The following SPATS2L variants were observed in gnomAD, a reference collection of about 807,000 sequenced individuals.
SPATS2L encodes spermatogenesis associated serine rich 2 like.
In SPATS2L, 30 loss-of-function variants were observed where a neutral mutation model predicts 59.6. The ratio of observed to expected loss-of-function variants is 0.50; its 90% CI spans 0.38 to 0.68. The LOEUF (loss-of-function observed/expected upper bound fraction) is 0.68, where lower values mean the gene tolerates loss of function less well. SPATS2L is among the 30% of genes least tolerant of loss of function. SPATS2L has a pLI of 0.00. For synonymous variants in SPATS2L, 252 were observed against 263.5 expected, an observed-to-expected ratio of 0.96 and a Z score of 0.42; for missense variants, 615 against 700.0, an observed-to-expected ratio of 0.88 and a Z score of 1.37.
rs989408094 is a variant in SPATS2L, at chr2:200,393,394, T to A, written c.39+4111T>A. ...ACAGAGGTTCAGTGTAAATGCTCCA[T>A]GCATAGGCTTAAGAGCCACAGTCAT... On this transcript the variant is annotated intron_variant, in intron 3 of 12. Coordinates refer to ENST00000409140, the MANE Select transcript of SPATS2L (RefSeq NM_001100423.2). The A allele has an allele frequency of 1.3e-5, 6 of 451,768 alleles. No homozygotes were observed. The Admixed American group carries it at 1.4e-4, about 11-fold the overall frequency. The allele number at this position is 451,768 out of a possible 1,614,324, so 28.0% of individuals were successfully genotyped here.
At chr2:200,306,472 G>A, upstream of SPATS2L, 2 of 1,002,396 alleles carry the variant, frequency 2.0e-6, no homozygotes, top group Middle Eastern at 5.6e-4. Context: ...AAGGAGCTAG[G>A]GAGGGCGTGT....
intron 5 of SPATS2L, 48 bp from the exon 6 acceptor site, chr2:200,419,202 T>G: frequency 6.7e-7 from 1 of 1,498,330 alleles, no homozygotes; most frequent in African/African-American, 1.4e-5. Context: ...ACCTTATATT[T>G]CAAGAGTCTG....
chr2:200,334,337 C>G (rs910742192), intron 2 of SPATS2L, among the ~76,000 whole-genome samples: 2 of 152,144 alleles, frequency 1.3e-5, no homozygotes, highest in Non-Finnish European at 1.5e-5. Flanking sequence ...ATATCCTTCA[C>G]CCACTTTTTG....
chr2:200,474,106 T>G (rs1024422465), intron 12 of SPATS2L, among the ~76,000 whole-genome samples: 4 of 151,814 alleles, frequency 2.6e-5, no homozygotes, highest in African/African-American at 9.7e-5. Flanking sequence ...GTCTTTTCTT[T>G]TTTTTTTTTG....
Position 200,349,042 on chromosome 2 carries a change from G to A in SPATS2L, c.-23+19562G>A, listed in dbSNP as rs1003264638. 7.9e-5 allele frequency among the ~76,000 whole-genome samples: 12 copies of A among 152,076 alleles called. No homozygotes were observed. The East Asian group carries it at 1.5e-3, about 20-fold the overall frequency. On this transcript the variant is annotated intron_variant, in intron 2 of 12. Coordinates refer to ENST00000409140, the MANE Select transcript of SPATS2L (RefSeq NM_001100423.2). ...TCTTAGGATCTTGTCCTGTACTTTC[G>A]GTGCAAATTTGTTTAAAACAGCCCT...
intron 8 of SPATS2L, among the ~76,000 whole-genome samples, chr2:200,441,517 C>T (rs1289673300): frequency 6.6e-6 from 1 of 152,140 alleles, no homozygotes; most frequent in Non-Finnish European, 1.5e-5. Flanking sequence ...CAGAAGTTTC[C>T]TTCAGACAAA....
chr2:200,371,076 A>G (rs2081411415), intron 2 of SPATS2L, among the ~76,000 whole-genome samples: 1 of 152,214 alleles, frequency 6.6e-6, no homozygotes, highest in African/African-American at 2.4e-5. Flanking sequence ...TTGTCGGCTC[A>G]TTATGATCAG....
At chr2:200,457,065 G>C (rs1443265653) in intron 8 of SPATS2L, among the ~76,000 whole-genome samples, 2 of 152,048 alleles carry the variant, frequency 1.3e-5, no homozygotes, top group Non-Finnish European at 2.9e-5. Context: ...TCCTCAAGCA[G>C]AGTAGCTTAA....
chr2:200,338,611 G>A (rs1420124320), intron 2 of SPATS2L, among the ~76,000 whole-genome samples: 1 of 152,204 alleles, frequency 6.6e-6, no homozygotes, highest in Admixed American at 6.5e-5. Flanking sequence ...TACTCCAATA[G>A]TTAGCATGTA....
At chr2:200,471,677 T>G (rs115218362) in intron 11 of SPATS2L, among the ~76,000 whole-genome samples, 1,994 of 152,248 alleles carry the variant, frequency 0.013, 28 homozygotes, top group Middle Eastern at 0.061. Context: ...CTGGTGAGCA[T>G]AGGAGCCACG....
At chr2:200,477,439 C>G (rs2087613358) in intron 12 of SPATS2L, among the ~76,000 whole-genome samples, 197 bp from the exon 13 acceptor site, 2 of 147,778 alleles carry the variant, frequency 1.4e-5, no homozygotes, top group Non-Finnish European at 3.0e-5. Context: ...ATTTACAAAA[C>G]AGTCCACTAT....
intron 2 of SPATS2L, among the ~76,000 whole-genome samples, chr2:200,348,691 C>A (rs1331787575): frequency 6.6e-6 from 1 of 152,036 alleles, no homozygotes; most frequent in Non-Finnish European, 1.5e-5. Flanking sequence ...GCTCTAGGAG[C>A]CTCACTTCCC....
Position 200,412,339 on chromosome 2 carries a change from A to G in SPATS2L, c.68A>G (p.Asn23Ser), listed in dbSNP as rs761919427. ...KIYAVRSVVP[N>S]KSNNEIVLVL... ...TATGCAGTTAGATCAGTTGTTCCCAACAAAAGCAATAATGAAATAGTCCTG... is the reference window on the plus strand; with the variant it reads ...TATGCAGTTAGATCAGTTGTTCCCAGCAAAAGCAATAATGAAATAGTCCTG... The change falls in exon 4 of 13, where the codon AAC (asparagine) becomes AGC (serine). Residue 23 changes from asparagine to serine, a missense_variant. Asn to Ser is a conservative substitution (Grantham distance 46). This residue lies in a region of SPATS2L where 227 missense variants were observed against 257.4 expected (regional missense o/e 0.88). Coordinates refer to ENST00000409140, the MANE Select transcript of SPATS2L (RefSeq NM_001100423.2). 7 of 1,604,982 alleles carry G rather than the reference A, an allele frequency of 4.4e-6. No individual in the cohort carries two copies. Among genetic ancestry groups the G allele is most frequent in the Non-Finnish European group, 6.0e-6 (7 of 1,175,248 alleles).
At chr2:200,397,698 C>T (rs1302829753) in intron 3 of SPATS2L, among the ~76,000 whole-genome samples, 2 of 151,724 alleles carry the variant, frequency 1.3e-5, no homozygotes, top group African/African-American at 4.8e-5. Flanking sequence ...GCTAATTAAT[C>T]AGTGTTAAAT....
chr2:200,317,146 C>G (rs976156362), intron 1 of SPATS2L, among the ~76,000 whole-genome samples: 1 of 152,094 alleles, frequency 6.6e-6, no homozygotes, highest in Non-Finnish European at 1.5e-5. Flanking sequence ...TTTTTGCTCT[C>G]CAATATGTGA....
chr2:200,397,381 C>A (rs920250181), intron 3 of SPATS2L, among the ~76,000 whole-genome samples: 6 of 152,084 alleles, frequency 3.9e-5, no homozygotes, highest in Admixed American at 3.9e-4. Context: ...TCAGTTTTTA[C>A]GGAGAAGAAA....
At chr2:200,307,586 G>A (rs1418455541) in intron 1 of SPATS2L, among the ~76,000 whole-genome samples, 11 of 152,168 alleles carry the variant, frequency 7.2e-5, no homozygotes, top group African/African-American at 2.7e-4. Context: ...GGGGGACCCC[G>A]GAGTCCGCGG....
intron 2 of SPATS2L, among the ~76,000 whole-genome samples, chr2:200,335,957 T>TC (rs2105807738): frequency 6.6e-6 from 1 of 152,312 alleles, no homozygotes; most frequent in African/African-American, 2.4e-5. Context: ...CCTAGTGGCT[T>TC]CCCCACTGTT....
At chr2:200,445,608 G>A (rs1045251291) in intron 8 of SPATS2L, among the ~76,000 whole-genome samples, 2 of 152,220 alleles carry the variant, frequency 1.3e-5, no homozygotes, top group African/African-American at 4.8e-5. Context: ...CCACGTATAT[G>A]TAACTGTATG....
Sources: gnomAD v4.1 joint callset for allele counts (sites outside exome capture counted in the v4.1 genomes callset) on GRCh38, gnomAD v4.1.1 for gene constraint, gnomAD v4.1.1 regional missense constraint, MANE v1.5 for transcripts, NCBI Gene and HGNC (gene_info 2026-07-23, HGNC 2026-07-21) for gene names.